The following USH2A variants were observed in gnomAD, a reference collection of about 807,000 sequenced individuals.
USH2A encodes Usher syndrome 2A (autosomal recessive, mild).
In USH2A, 443 loss-of-function variants were observed where a neutral mutation model predicts 538.9. That is an observed-to-expected ratio of 0.82 (90% confidence interval 0.76 to 0.89). The LOEUF (loss-of-function observed/expected upper bound fraction) is 0.89. Ranked by LOEUF, USH2A falls within the 40% of genes least tolerant of loss-of-function variation. The pLI, the probability that USH2A is intolerant of heterozygous loss-of-function variation, is 0.00. For missense variants in USH2A, 6,633 were observed against 6,324.8 expected (o/e 1.05, Z -1.65); for synonymous variants, 2,413 against 2,273.5 (o/e 1.06, Z -1.75).
intron 38 of USH2A, among the ~76,000 whole-genome samples, chr1:215,917,287 T>C (rs1240388088): frequency 2.0e-5 from 3 of 152,132 alleles, no homozygotes; most frequent in African/African-American, 7.2e-5. Flanking sequence ...AGCATTCCTA[T>C]TATTTTGAAT....
intron 11 of USH2A, among the ~76,000 whole-genome samples, chr1:216,251,829 T>C (rs1198752828): frequency 6.6e-6 from 1 of 152,182 alleles, no homozygotes; most frequent in Non-Finnish European, 1.5e-5. Flanking sequence ...GGAGAATCTT[T>C]CTATAATGAT....
At chr1:216,072,003 A>T (rs1217026990) in intron 29 of USH2A, among the ~76,000 whole-genome samples, 1 of 152,204 alleles carries the variant, frequency 6.6e-6, no homozygotes, top group African/African-American at 2.4e-5. Context: ...ATTATATTTT[A>T]GATTAAGAAG....
intron 56 of USH2A, among the ~76,000 whole-genome samples, chr1:215,765,096 A>G (rs1661090923): frequency 6.6e-6 from 1 of 152,178 alleles, no homozygotes; most frequent in Non-Finnish European, 1.5e-5. Context: ...GGAAAATTTC[A>G]TATTTCCAAT....
At chr1:215,758,466 C>G in intron 58 of USH2A, 129 bp downstream of exon 58, 2 of 1,148,048 alleles carry the variant, frequency 1.7e-6, no homozygotes, top group Admixed American at 2.1e-5. Flanking sequence ...TTAGATTTTT[C>G]TGTTCATATT....
intron 10 of USH2A, 80 bp from the exon 11 acceptor site, chr1:216,289,490 C>A (rs1488741071): frequency 6.3e-7 from 1 of 1,592,180 alleles, no homozygotes; most frequent in Non-Finnish European, 8.6e-7. Context: ...AGACTGTATT[C>A]CTTTGAGGGA....
intron 21 of USH2A, 77 bp downstream of exon 21, chr1:216,175,175 T>C: frequency 6.3e-7 from 1 of 1,592,324 alleles, no homozygotes; most frequent in Admixed American, 1.7e-5. Context: ...AAAAATTCAT[T>C]GTAAAGGGAT....
chr1:215,686,553 T>C (rs2797246), intron 61 of USH2A, among the ~76,000 whole-genome samples: 112,034 of 151,848 alleles, frequency 0.74, 41,797 homozygotes, highest in East Asian at 0.9. Context: ...TGAATGTCAC[T>C]CTAAAGTTTT....
At chr1:216,228,116 G>T (rs2035596059) in intron 14 of USH2A, among the ~76,000 whole-genome samples, 1 of 152,102 alleles carries the variant, frequency 6.6e-6, no homozygotes, top group African/African-American at 2.4e-5. Context: ...AGGCTTCCAG[G>T]GTGAATTGGA....
intron 3 of USH2A, among the ~76,000 whole-genome samples, chr1:216,403,077 T>C (rs2039336177): frequency 6.6e-6 from 1 of 152,148 alleles, no homozygotes; most frequent in Admixed American, 6.5e-5. Context: ...TATACTATAA[T>C]TGTATACTAT....
chr1:216,260,971 C>A (rs954228561), intron 11 of USH2A, among the ~76,000 whole-genome samples: 1 of 152,124 alleles, frequency 6.6e-6, no homozygotes, highest in Non-Finnish European at 1.5e-5. Context: ...GAGCTTTTAA[C>A]CTCTGCAAAG....
At chr1:216,342,783 A>T (rs974512720) in intron 4 of USH2A, among the ~76,000 whole-genome samples, 4 of 152,150 alleles carry the variant, frequency 2.6e-5, no homozygotes, top group African/African-American at 9.6e-5. Context: ...TGGGAGCTGA[A>T]CAATGAGAAC....
chr1:215,683,524 C>G (rs956289631), intron 61 of USH2A, among the ~76,000 whole-genome samples: 2 of 152,148 alleles, frequency 1.3e-5, no homozygotes, highest in South Asian at 2.1e-4. Context: ...CTCTCATTTA[C>G]GTACTAAGTT....
chr1:215,706,257 C>T (rs1659181897), intron 61 of USH2A, among the ~76,000 whole-genome samples: 1 of 152,124 alleles, frequency 6.6e-6, no homozygotes, highest in African/African-American at 2.4e-5. Context: ...TGATGGATGC[C>T]ATCTAATGCT....
chr1:215,996,003 C>T (rs1272731913), intron 34 of USH2A, among the ~76,000 whole-genome samples: 9 of 152,094 alleles, frequency 5.9e-5, no homozygotes, highest in South Asian at 2.1e-4. Flanking sequence ...CTCTGCCTCT[C>T]GGGTTCAAGG....
At chr1:216,076,723 A>G (rs1048921808) in intron 27 of USH2A, among the ~76,000 whole-genome samples, 6 of 152,166 alleles carry the variant, frequency 3.9e-5, no homozygotes, top group African/African-American at 1.4e-4. Flanking sequence ...CCTTACTACT[A>G]CCCTTCTAAA....
At chr1:215,632,423 G>T (rs1656312452) in intron 70 of USH2A, among the ~76,000 whole-genome samples, 2 of 152,188 alleles carry the variant, frequency 1.3e-5, no homozygotes, top group South Asian at 4.1e-4. Flanking sequence ...CCACAAGAAT[G>T]ATGGGAGTGT....
chr1:215,936,264 T>C (rs1200825857), intron 37 of USH2A, among the ~76,000 whole-genome samples: 1 of 152,022 alleles, frequency 6.6e-6, no homozygotes, highest in African/African-American at 2.4e-5. Flanking sequence ...AAGTAAAAGA[T>C]GGCATCATAC....
chr1:215,879,448 T>A (rs915615575), intron 41 of USH2A, among the ~76,000 whole-genome samples: 1 of 152,218 alleles, frequency 6.6e-6, no homozygotes, highest in African/African-American at 2.4e-5. Flanking sequence ...TAGGGTTGCA[T>A]AGGATTTGAT....
rs759065885 is a variant in USH2A, at chr1:216,073,295, C to T, written c.5578G>A (p.Gly1860Ser). The T allele has an allele frequency of 9.3e-6, 15 of 1,612,096 alleles. No individual in the cohort carries two copies. The highest frequency in any genetic ancestry group is 5.0e-5 in the Admixed American group (3 of 59,620). The change falls in exon 28 of 72, where the codon GGT (glycine) becomes AGT (serine). Residue 1860 changes from glycine to serine, a missense_variant. Coordinates refer to ENST00000307340, the MANE Select transcript of USH2A (RefSeq NM_206933.4). ...YQHLCLEQGF[G>S]GCMKDVKFTR... The stretch of plus-strand genomic sequence containing the variant: ...AATTTAACATCCTTCATGCAACCAC[C>T]GAAACCTAGCAAATAGTAAGGGATT...
Sources: gnomAD v4.1 joint callset for allele counts (sites outside exome capture counted in the v4.1 genomes callset) on GRCh38, gnomAD v4.1.1 for gene constraint, MANE v1.5 for transcripts, NCBI Gene and HGNC (gene_info 2026-07-23, HGNC 2026-07-21) for gene names.